ADAMTS12: variants seen among roughly 807,000 people sequenced by gnomAD.
ADAMTS12 encodes the protein ADAM metallopeptidase with thrombospondin type 1 motif 12, also known as A disintegrin and metalloproteinase with thrombospondin motifs 12.
In ADAMTS12, 118 loss-of-function variants were observed where a neutral mutation model predicts 167.8. The ratio of observed to expected loss-of-function variants is 0.70; its 90% CI spans 0.61 to 0.82. The LOEUF (loss-of-function observed/expected upper bound fraction) is 0.82, where lower values mean the gene tolerates loss of function less well. ADAMTS12 is among the 40% of genes least tolerant of loss of function. ADAMTS12 has a pLI of 0.00. For missense variants in ADAMTS12, 1,916 were observed against 1,998.8 expected, an observed-to-expected ratio of 0.96 and a Z score of 0.79; for synonymous variants, 704 against 716.9, an observed-to-expected ratio of 0.98 and a Z score of 0.29.
chr5:33,849,921 G>A (rs191359822), intron 2 of ADAMTS12, among the ~76,000 whole-genome samples: 3 of 151,930 alleles, frequency 2.0e-5, no homozygotes, highest in African/African-American at 4.8e-5. Context: ...TAGATAGCAT[G>A]TGTATATAAT....
At position 33,588,764 on chromosome 5, in the gene ADAMTS12, G is replaced by C. The variant is rs1348119575; in HGVS notation, c.2700C>G (p.Pro900=). 1 of 1,613,968 alleles carries C rather than the reference G, an allele frequency of 6.2e-7. No individual in the cohort carries two copies. Among genetic ancestry groups the C allele is most frequent in the Admixed American group, 1.7e-5 (1 of 60,018 alleles). ...GCACGGTTCGCTTCTTCTCCCCGTG[G>C]GGCCCGCATGTCGCCGAGCATGCTT... is the stretch of plus-strand genomic sequence containing the variant. ...EWEACSATCG[P]HGEKKRTVLC... is the part of the protein sequence containing the mutation. The change falls in exon 18 of 24, where the codon CCC becomes CCG. Residue 900 remains proline (P), a synonymous_variant. Coordinates refer to ENST00000504830, the MANE Select transcript of ADAMTS12 (RefSeq NM_030955.4).
chr5:33,856,548 A>T (rs1749407645), intron 2 of ADAMTS12, among the ~76,000 whole-genome samples: 1 of 152,070 alleles, frequency 6.6e-6, no homozygotes, highest in African/African-American at 2.4e-5. Flanking sequence ...CTTGAGCCCA[A>T]GAGTTCAAGT....
At chr5:33,695,359 T>C (rs1432606532) in intron 3 of ADAMTS12, among the ~76,000 whole-genome samples, 1 of 152,232 alleles carries the variant, frequency 6.6e-6, no homozygotes, top group Non-Finnish European at 1.5e-5. Flanking sequence ...TATTTTTTCA[T>C]TCTCTTTTTT....
chr5:33,711,691 T>C (rs976629026), intron 3 of ADAMTS12, among the ~76,000 whole-genome samples: 11 of 152,214 alleles, frequency 7.2e-5, no homozygotes, highest in Admixed American at 5.2e-4. Context: ...CTCATCGCTC[T>C]TCCAATATTC....
At chr5:33,669,294 T>A (rs929271165) in intron 5 of ADAMTS12, among the ~76,000 whole-genome samples, 1 of 152,218 alleles carries the variant, frequency 6.6e-6, no homozygotes, top group Non-Finnish European at 1.5e-5. Flanking sequence ...CTTTTGTTCG[T>A]TGTAATGATA....
At chr5:33,764,212 C>A (rs1477852577) in intron 2 of ADAMTS12, among the ~76,000 whole-genome samples, 2 of 152,182 alleles carry the variant, frequency 1.3e-5, no homozygotes, top group Non-Finnish European at 1.5e-5. Context: ...TGATTGCTAA[C>A]CTACTTTAAT....
At chr5:33,723,468 C>T (rs1177525749) in intron 3 of ADAMTS12, among the ~76,000 whole-genome samples, 1 of 152,132 alleles carries the variant, frequency 6.6e-6, no homozygotes, top group Non-Finnish European at 1.5e-5. Context: ...AATAACTGAG[C>T]TTGGCCTCAT....
At chr5:33,859,567 T>A (rs1203258519) in intron 2 of ADAMTS12, among the ~76,000 whole-genome samples, 2 of 152,122 alleles carry the variant, frequency 1.3e-5, no homozygotes, top group African/African-American at 4.8e-5. Flanking sequence ...GGTGAAGGGG[T>A]GGCTGTGGGC....
rs55666801 is a variant in ADAMTS12 at position 33,594,656 on chromosome 5, A to G, written c.2654+1278T>C. 8.0e-3 allele frequency among the ~76,000 whole-genome samples: 1,221 copies of G among 152,300 alleles called. 14 individuals carry two copies. The highest frequency in any genetic ancestry group is 0.028 in the African/African-American group (1,179 of 41,556). ...TAGTTCTTCCTGGCAAAAGAACCAC[A>G]GGAAGGAGCTACAGCACGGAGAGGC... On this transcript the variant is annotated intron_variant, in intron 17 of 23. Transcript: ENST00000504830.
chr5:33,528,390 C>G (rs1467382312), intron 23 of ADAMTS12, among the ~76,000 whole-genome samples: 1 of 152,038 alleles, frequency 6.6e-6, no homozygotes, highest in Admixed American at 6.6e-5. Flanking sequence ...TTGGTTATCC[C>G]CCACAACTAC....
At chr5:33,585,841 T>A (rs200624135) in intron 18 of ADAMTS12, among the ~76,000 whole-genome samples, 1 of 152,154 alleles carries the variant, frequency 6.6e-6, no homozygotes, top group Non-Finnish European at 1.5e-5. Context: ...CTCCCCTTTC[T>A]GATCCCTGCT....
chr5:33,623,206 T>C (rs1739415564), intron 14 of ADAMTS12, among the ~76,000 whole-genome samples: 1 of 152,186 alleles, frequency 6.6e-6, no homozygotes, highest in East Asian at 1.9e-4. Flanking sequence ...AAAGTGGCTA[T>C]CACTTCCTGT....
intron 5 of ADAMTS12, among the ~76,000 whole-genome samples, chr5:33,675,065 A>G (rs1741851284): frequency 6.6e-6 from 1 of 152,128 alleles, no homozygotes; most frequent in Non-Finnish European, 1.5e-5. Context: ...CCACCATGGA[A>G]TGACACTCAC....
At chr5:33,662,152 G>C (rs1000746707) in intron 5 of ADAMTS12, 112 bp from the exon 6 acceptor site, 4 of 1,378,936 alleles carry the variant, frequency 2.9e-6, no homozygotes, top group Non-Finnish European at 3.9e-6. Flanking sequence ...CAGGGTGGGT[G>C]CATCAGACAT....
At chr5:33,569,655 G>A (rs936130780) in intron 19 of ADAMTS12, among the ~76,000 whole-genome samples, 2 of 152,174 alleles carry the variant, frequency 1.3e-5, no homozygotes, top group East Asian at 1.9e-4. Flanking sequence ...AAAAAACAGA[G>A]CAGAAAAACT....
chr5:33,708,780 A>G (rs1743286541), intron 3 of ADAMTS12, among the ~76,000 whole-genome samples: 1 of 152,068 alleles, frequency 6.6e-6, no homozygotes, highest in African/African-American at 2.4e-5. Context: ...AGAACATCAC[A>G]CACCAGGGCC....
intron 14 of ADAMTS12, among the ~76,000 whole-genome samples, chr5:33,618,296 T>C (rs1477890138): frequency 6.6e-6 from 1 of 152,190 alleles, no homozygotes; most frequent in Non-Finnish European, 1.5e-5. Context: ...GGGGTTGATT[T>C]TTCTCTCAGG....
chr5:33,686,769 A>G (rs59134524), intron 3 of ADAMTS12, among the ~76,000 whole-genome samples: 1 of 149,522 alleles, frequency 6.7e-6, no homozygotes. Flanking sequence ...CTCTCTCTAT[A>G]TATATATATA....
chr5:33,736,642 AT>A (rs1744385295), intron 3 of ADAMTS12, among the ~76,000 whole-genome samples: 1 of 152,222 alleles, frequency 6.6e-6, no homozygotes, highest in South Asian at 2.1e-4. Context: ...AGACATTCCA[AT>A]AATGATGCCT....
Sources: gnomAD v4.1 joint callset for allele counts (sites outside exome capture counted in the v4.1 genomes callset) on GRCh38, gnomAD v4.1.1 for gene constraint, MANE v1.5 for transcripts, NCBI Gene and HGNC (gene_info 2026-07-23, HGNC 2026-07-21) for gene names.